Variants in ROBO1 observed in about 807,000 individuals in gnomAD.
ROBO1 encodes roundabout homolog 1.
A neutral mutation model predicts 195.9 loss-of-function variants in ROBO1; 149 were observed. The ratio of observed to expected loss-of-function variants is 0.76; its 90% CI spans 0.67 to 0.87. The LOEUF is 0.87. ROBO1 is among the 40% of genes least tolerant of loss of function. The probability of loss-of-function intolerance (pLI) is 0.00; values close to 1 mark genes in which losing one functional copy is unlikely to be tolerated. For synonymous variants in ROBO1, 816 were observed against 733.2 expected, an observed-to-expected ratio of 1.11 and a Z score of -1.82; for missense variants, 1,933 against 2,068.3, an observed-to-expected ratio of 0.93 and a Z score of 1.27.
intron 1 of ROBO1, among the ~76,000 whole-genome samples, chr3:79,727,166 C>T (rs1702958829): frequency 6.6e-6 from 1 of 152,138 alleles, no homozygotes; most frequent in Non-Finnish European, 1.5e-5. Context: ...AGAATTATGC[C>T]TCAGGTGCTA....
intron 2 of ROBO1, among the ~76,000 whole-genome samples, chr3:79,565,125 A>G (rs907344962): frequency 2.0e-5 from 3 of 152,140 alleles, no homozygotes; most frequent in Non-Finnish European, 4.4e-5. Flanking sequence ...AGCTTGAACT[A>G]TAAAGATAAT....
intron 2 of ROBO1, among the ~76,000 whole-genome samples, chr3:79,393,088 C>A (rs2037015061): frequency 6.6e-6 from 1 of 152,206 alleles, no homozygotes; most frequent in African/African-American, 2.4e-5. Flanking sequence ...ATCCAGGAAT[C>A]CTCAAGTCAC....
intron 2 of ROBO1, among the ~76,000 whole-genome samples, chr3:79,240,217 T>C (rs1306335080): frequency 2.6e-5 from 4 of 152,122 alleles, no homozygotes; most frequent in African/African-American, 4.8e-5. Context: ...AAAAGTAAAA[T>C]CTCACGGTAT....
At chr3:79,489,382 G>A (rs924234670) in intron 2 of ROBO1, among the ~76,000 whole-genome samples, 9 of 151,974 alleles carry the variant, frequency 5.9e-5, no homozygotes, top group Non-Finnish European at 1.3e-4. Flanking sequence ...TTGGCCAGGC[G>A]CAGTGGCTAA....
At chr3:78,827,609 T>G (rs1166048430) in intron 4 of ROBO1, among the ~76,000 whole-genome samples, 1 of 152,196 alleles carries the variant, frequency 6.6e-6, no homozygotes, top group Non-Finnish European at 1.5e-5. Context: ...TCTATCTGTC[T>G]ATCTGTAGAG....
At chr3:79,555,372 G>A (rs1942661917) in intron 2 of ROBO1, among the ~76,000 whole-genome samples, 1 of 151,978 alleles carries the variant, frequency 6.6e-6, no homozygotes, top group South Asian at 2.1e-4. Context: ...ACTACAAGAA[G>A]CATATGATTA....
intron 4 of ROBO1, among the ~76,000 whole-genome samples, chr3:78,923,448 C>T (rs2039051088): frequency 6.6e-6 from 1 of 152,120 alleles, no homozygotes; most frequent in Non-Finnish European, 1.5e-5. Flanking sequence ...ACCAGAGTGA[C>T]TGTCCATAGA....
intron 2 of ROBO1, among the ~76,000 whole-genome samples, chr3:79,468,745 G>A (rs910348008): frequency 3.9e-5 from 6 of 151,956 alleles, no homozygotes; most frequent in African/African-American, 1.5e-4. Flanking sequence ...AGAAGAACCT[G>A]GAATTGGATT....
intron 2 of ROBO1, among the ~76,000 whole-genome samples, chr3:79,529,903 C>A (rs2107607154): frequency 6.6e-6 from 1 of 152,206 alleles, no homozygotes; most frequent in East Asian, 1.9e-4. Flanking sequence ...TGATATCTAA[C>A]TTAAAAAATG....
At chr3:79,502,655 G>A (rs1162418134) in intron 2 of ROBO1, among the ~76,000 whole-genome samples, 5 of 152,246 alleles carry the variant, frequency 3.3e-5, no homozygotes, top group Middle Eastern at 3.4e-3. Context: ...CCCCATGCGA[G>A]ATCCACTGGG....
At chr3:78,711,068 A>C (rs2108013626) in intron 8 of ROBO1, among the ~76,000 whole-genome samples, 1 of 152,294 alleles carries the variant, frequency 6.6e-6, no homozygotes, top group Admixed American at 6.5e-5. Context: ...ATATATTTAA[A>C]GTATACAACA....
chr3:79,662,829 T>A (rs2106840831), intron 1 of ROBO1, among the ~76,000 whole-genome samples: 1 of 152,140 alleles, frequency 6.6e-6, no homozygotes, highest in South Asian at 2.1e-4. Flanking sequence ...AAACGAGTCT[T>A]TATAAGACTG....
chr3:79,185,220 T>G (rs1190211510), intron 2 of ROBO1, among the ~76,000 whole-genome samples: 1 of 152,160 alleles, frequency 6.6e-6, no homozygotes, highest in Non-Finnish European at 1.5e-5. Flanking sequence ...GGTGCTCAAC[T>G]CTTTCTCTGG....
chr3:78,805,175 C>A (rs533534721), intron 4 of ROBO1, among the ~76,000 whole-genome samples: 1 of 152,252 alleles, frequency 6.6e-6, no homozygotes, highest in South Asian at 2.1e-4. Context: ...TTAATACTTT[C>A]TCACTAGTGC....
intron 2 of ROBO1, among the ~76,000 whole-genome samples, chr3:79,547,690 C>T (rs1942322005): frequency 6.6e-6 from 1 of 152,102 alleles, no homozygotes; most frequent in Non-Finnish European, 1.5e-5. Context: ...CAGCATATTC[C>T]TTAATGATTT....
chr3:79,492,093 A>T (rs1939489154), intron 2 of ROBO1, among the ~76,000 whole-genome samples: 1 of 152,056 alleles, frequency 6.6e-6, no homozygotes, highest in Non-Finnish European at 1.5e-5. Context: ...AGAATTGGAG[A>T]GCCCTGACAT....
intron 2 of ROBO1, among the ~76,000 whole-genome samples, chr3:79,335,816 G>A (rs1030542245): frequency 6.6e-6 from 1 of 152,160 alleles, no homozygotes; most frequent in Non-Finnish European, 1.5e-5. Flanking sequence ...GAAGAAGACA[G>A]GAAGATGTGG....
Position 79,013,611 on chromosome 3 carries a change from C to G in ROBO1, c.173-74684G>C, listed in dbSNP as rs146432099. ...TTTTATTTAAATTCTTCATTTCTCT[C>G]TTTCGACTAGGAAAATGCACAGTAG... On this transcript the variant is annotated intron_variant, in intron 3 of 30. Transcript: ENST00000464233. Among the ~76,000 whole-genome samples the G allele has an allele frequency of 7.0e-3, 1,059 of 152,288 alleles. 10 individuals are homozygous for G. The highest frequency in any genetic ancestry group is 0.024 in the African/African-American group (984 of 41,568).
intron 2 of ROBO1, among the ~76,000 whole-genome samples, chr3:79,279,772 ATT>A (rs2031363562): frequency 6.6e-6 from 1 of 152,184 alleles, no homozygotes; most frequent in African/African-American, 2.4e-5. Context: ...TATATATCAC[ATT>A]TTCTTTATTC....
Sources: allele counts gnomAD v4.1 joint callset (sites outside exome capture counted in the v4.1 genomes callset), GRCh38; gene constraint gnomAD v4.1.1; transcripts MANE v1.5; gene names NCBI Gene and HGNC (gene_info 2026-07-23, HGNC 2026-07-21).